CFAP57: variants seen among roughly 807,000 people sequenced by gnomAD.
CFAP57 encodes cilia and flagella associated protein 57.
CFAP57 carries 116 observed loss-of-function variants against 146.8 expected under a neutral mutation model. That is an observed-to-expected ratio of 0.79 (90% confidence interval 0.68 to 0.92). CFAP57 has a LOEUF of 0.92. Ranked by LOEUF, CFAP57 falls within the 40% of genes least tolerant of loss-of-function variation. The pLI is 0.00. For missense variants in CFAP57, 1,377 were observed against 1,527.2 expected (o/e 0.90, Z 1.64); for synonymous variants, 518 against 552.8 (o/e 0.94, Z 0.88).
Position 43,172,729 on chromosome 1 carries a change from C to A in CFAP57, c.-19-6C>A, listed in dbSNP as rs772794044. On this transcript the variant is annotated splice_polypyrimidine_tract_variant and splice_region_variant and intron_variant, in intron 1 of 22. Coordinates refer to ENST00000372492, the MANE Select transcript of CFAP57 (RefSeq NM_001378189.1). ...CACTCTGAAGCGCTGCCTTGGTCTT[C>A]AGCAGAACTGTTTGGCGGGAGATCA... The A allele has an allele frequency of 2.7e-5, 44 of 1,613,500 alleles. No individual in the cohort carries two copies. The East Asian group carries it at 3.3e-4, about 12-fold the overall frequency.
rs1646385900 is a variant in CFAP57, at chr1:43,254,155, C to T, written c.3717C>T (p.Ser1239=). ...TLAGVRLPSL[S]NSEVDLEVKT... is the part of the protein sequence containing the mutation. ...CTGGAGTTCGGCTTCCTTCCCTCTC[C>T]AACTCCGAGGTAGACTTAGAGGTGA... Residue 1239 remains serine, a synonymous_variant, in exon 23 of 23, where the codon TCC becomes TCT. Transcript: ENST00000372492. The T allele has an allele frequency of 1.3e-6, 2 of 1,550,480 alleles. No individual in the cohort carries two copies. The highest frequency in any genetic ancestry group is 3.9e-5 in the Admixed American group (2 of 50,972).
intron 21 of CFAP57, among the ~76,000 whole-genome samples, chr1:43,235,970 G>T (rs1410836616): frequency 2.6e-5 from 4 of 152,170 alleles, no homozygotes; most frequent in East Asian, 1.9e-4. Flanking sequence ...CTAGCCAGAG[G>T]GTGTGAGCGT....
chr1:43,186,873 G>T lies in CFAP57; in HGVS notation c.1122+14G>T. On this transcript the variant is annotated intron_variant, in intron 6 of 22. Coordinates refer to ENST00000372492, the MANE Select transcript of CFAP57 (RefSeq NM_001378189.1). ...GAGATCAGCAAGGTGAGTCTTTCCA[G>T]CAATGGTCCTTCCAGACCAGGACCT... 4 of 1,614,018 alleles carry T rather than the reference G, an allele frequency of 2.5e-6. No homozygotes were observed. The highest frequency in any genetic ancestry group is 3.4e-6 in the Non-Finnish European group (4 of 1,179,986).
Position 43,221,449 on chromosome 1 carries a change from G to A in CFAP57, c.2325G>A (p.Arg775=). Residue 775 remains arginine, a synonymous_variant, in exon 14 of 23, where the codon CGG becomes CGA. Transcript: ENST00000372492. ...HIEDLLDKQS[R]ELQDMECCNN... ...AAGACCTCCTAGACAAGCAAAGCCG[G>A]GAACTGCAGGACATGGGTGAGCCCA... 1 of 1,535,806 alleles carries A rather than the reference G, an allele frequency of 6.5e-7. No individual in the cohort carries two copies. The highest frequency in any genetic ancestry group is 8.8e-7 in the Non-Finnish European group (1 of 1,140,016).
chr1:43,232,554 A>C lies in CFAP57; in HGVS notation c.3056A>C (p.Glu1019Ala). Residue 1019 changes from glutamate (E) to alanine (A), a missense_variant, in exon 19 of 23, where the codon GAG becomes GCG. Physicochemically the swap from Glu to Ala is moderately radical, Grantham distance 107 (BLOSUM62 -1). Coordinates refer to ENST00000372492, the MANE Select transcript of CFAP57 (RefSeq NM_001378189.1). Reference protein sequence around the residue: ...ENFHKQNTQLELNITELWQKL... With the variant: ...ENFHKQNTQLALNITELWQKL... ...TTCCATAAGCAGAACACTCAACTGGAGCTGAACATCACAGAATTGTGGCAG... is the reference window on the plus strand; with the variant it reads ...TTCCATAAGCAGAACACTCAACTGGCGCTGAACATCACAGAATTGTGGCAG... 1.9e-6 allele frequency: 3 copies of C among 1,550,210 alleles called. No homozygotes were observed. Among genetic ancestry groups the C allele is most frequent in the Non-Finnish European group, 2.6e-6 (3 of 1,146,688 alleles).
At chr1:43,231,249 C>A (rs1645453872) in intron 18 of CFAP57, among the ~76,000 whole-genome samples, 1 of 152,116 alleles carries the variant, frequency 6.6e-6, no homozygotes, top group Non-Finnish European at 1.5e-5. Context: ...TGGATGTGTT[C>A]ATTAGGGCCT....
At position 43,227,381 on chromosome 1, in the gene CFAP57, C is replaced by T. The variant is rs151056773; in HGVS notation, c.3009+255C>T. ...AGATGGGCTTTGGCCCTACCCGTGCCTCAGTGTGCGGTGTACTGTGCCCTC... is the reference window on the plus strand; with the variant it reads ...AGATGGGCTTTGGCCCTACCCGTGCTTCAGTGTGCGGTGTACTGTGCCCTC... On this transcript the variant is annotated intron_variant, in intron 18 of 22. Transcript: ENST00000372492. Among the ~76,000 whole-genome samples, 30 of 152,352 alleles carry T rather than the reference C, an allele frequency of 2.0e-4. No homozygotes were observed. The East Asian group carries it at 4.4e-3, about 23-fold the overall frequency.
chr1:43,178,972 C>A (rs1645277433), intron 2 of CFAP57, among the ~76,000 whole-genome samples: 2 of 152,180 alleles, frequency 1.3e-5, no homozygotes, highest in South Asian at 4.1e-4. Flanking sequence ...AGGATGAGTT[C>A]ATGCCCTTTA....
At chr1:43,185,453 AGG>A in intron 5 of CFAP57, 97 bp downstream of exon 5, 1 of 1,139,144 alleles carries the variant, frequency 8.8e-7, no homozygotes, top group African/African-American at 1.5e-5. Flanking sequence ...GGGGAGGGAT[AGG>A]GCAGGATTGC....
Position 43,185,678 on chromosome 1 carries a change from C to CAAA in CFAP57, c.969+339_969+341dup, listed in dbSNP as rs57421849. 2.7e-4 allele frequency among the ~76,000 whole-genome samples: 18 copies of CAAA among 65,666 alleles called. No individual in the cohort carries two copies. The East Asian group carries it at 5.9e-3, about 22-fold the overall frequency. 43.1% of individuals were successfully genotyped at this position (65,666 alleles called of 152,430 possible). A position where few individuals can be genotyped will look rare whatever the true frequency, so the allele number is the denominator to read the frequency against. ...GCAACATGGTGAAACCCCATCTCTA[C>CAAA]AAAAAAAAAAAAAAAAAAATTATGA... On this transcript the variant is annotated intron_variant, in intron 5 of 22. Transcript: ENST00000372492.
chr1:43,205,854 TG>T (rs1454618070), intron 9 of CFAP57, among the ~76,000 whole-genome samples: 20 of 152,196 alleles, frequency 1.3e-4, no homozygotes. Flanking sequence ...GTGAAGTTTC[TG>T]GAGCTGAGGC....
At chr1:43,182,193 C>G (rs1241717279) in intron 3 of CFAP57, among the ~76,000 whole-genome samples, 1 of 152,196 alleles carries the variant, frequency 6.6e-6, no homozygotes, top group East Asian at 1.9e-4. Flanking sequence ...TCTCCCTGGT[C>G]CTAGCCTCTT....
intron 2 of CFAP57, among the ~76,000 whole-genome samples, chr1:43,181,121 G>C (rs1645388165): frequency 1.3e-5 from 2 of 152,034 alleles, no homozygotes; most frequent in Non-Finnish European, 2.9e-5. Flanking sequence ...TCCCGGGCTG[G>C]AGTACAGTGG....
At chr1:43,182,101 G>T (rs1334906036) in intron 3 of CFAP57, among the ~76,000 whole-genome samples, 1 of 152,230 alleles carries the variant, frequency 6.6e-6, no homozygotes, top group East Asian at 1.9e-4. Flanking sequence ...CCCAACTCCA[G>T]CTCCTGTCTT....
chr1:43,172,621 A>AC (rs1645016246), intron 1 of CFAP57, 114 bp from the exon 2 acceptor site: 5 of 839,290 alleles, frequency 6.0e-6, no homozygotes, highest in Admixed American at 4.4e-5. Context: ...AGGGGAGGAG[A>AC]AAGGGGAGAG....
At chr1:43,212,958 A>G (rs1246511030) in intron 11 of CFAP57, among the ~76,000 whole-genome samples, 2 of 151,856 alleles carry the variant, frequency 1.3e-5, no homozygotes, top group African/African-American at 4.8e-5. Flanking sequence ...AAAGAAAGAA[A>G]GAAAGAAAAG....
chr1:43,237,987 G>A (rs1645767839), intron 21 of CFAP57, among the ~76,000 whole-genome samples: 2 of 152,222 alleles, frequency 1.3e-5, no homozygotes, highest in South Asian at 4.1e-4. Context: ...GTTAAGGGTA[G>A]ATGAGAAGTA....
chr1:43,189,761 T>C (rs1643381258), intron 6 of CFAP57, among the ~76,000 whole-genome samples: 1 of 152,198 alleles, frequency 6.6e-6, no homozygotes, highest in African/African-American at 2.4e-5. Context: ...CATCTGCTTC[T>C]GGTAAGGGTT....
At chr1:43,177,860 C>T (rs1645233353) in intron 2 of CFAP57, among the ~76,000 whole-genome samples, 1 of 152,204 alleles carries the variant, frequency 6.6e-6, no homozygotes, top group Non-Finnish European at 1.5e-5. Context: ...CTGTGTAGCC[C>T]AGCACCGTGG....
Sources: gnomAD v4.1 joint callset for allele counts (sites outside exome capture counted in the v4.1 genomes callset) on GRCh38, gnomAD v4.1.1 for gene constraint, MANE v1.5 for transcripts, NCBI Gene and HGNC (gene_info 2026-07-23, HGNC 2026-07-21) for gene names.